The following MAP3K12 variants were observed in gnomAD, a reference collection of about 807,000 sequenced individuals.
MAP3K12 encodes the protein MAPK-upstream kinase.
A neutral mutation model predicts 87.5 loss-of-function variants in MAP3K12; 14 were observed. The ratio of observed to expected loss-of-function variants is 0.16; its 90% CI spans 0.11 to 0.25. The LOEUF is 0.25. Ranked by LOEUF, MAP3K12 falls within the 10% of genes least tolerant of loss-of-function variation. The probability of loss-of-function intolerance (pLI) is 1.00; values close to 1 mark genes in which losing one functional copy is unlikely to be tolerated. For missense variants in MAP3K12, 802 were observed against 1,140.4 expected, an observed-to-expected ratio of 0.70 and a Z score of 4.27; for synonymous variants, 469 against 452.5, an observed-to-expected ratio of 1.04 and a Z score of -0.46.
upstream of MAP3K12, chr12:53,501,145 C>G (rs981369502): frequency 7.3e-6 from 4 of 548,626 alleles, no homozygotes; most frequent in African/African-American, 5.8e-5. Context: ...TCTCGAGAAG[C>G]GACGGCGGAG....
At chr12:53,484,189 C>G in intron 7 of MAP3K12, 68 bp downstream of exon 7, 1 of 1,469,504 alleles carries the variant, frequency 6.8e-7, no homozygotes, top group East Asian at 2.3e-5. Flanking sequence ...TTCCCAGCCT[C>G]CCCCTCAAAT....
Position 53,486,504 on chromosome 12 carries a change from T to C in MAP3K12, c.564A>G (p.Arg188=), listed in dbSNP as rs975103340. The C allele has an allele frequency of 1.1e-5, 17 of 1,614,078 alleles. 1 individual carries two copies. Among genetic ancestry groups the C allele is most frequent in the African/African-American group, 2.7e-5 (2 of 74,938 alleles). ...GCTTGATGTCGGTTTCTTTGAGGTC[T>C]CGCACCTTCTTCACAGCCACCTCCT... ...HGEEVAVKKV[R]DLKETDIKHL... The change falls in exon 3 of 14, where the codon CGA becomes CGG. Residue 188 remains arginine (R), a synonymous_variant. Transcript: ENST00000547488. The surrounding 1 kb of genome is among the most constrained non-coding windows in gnomAD (Gnocchi z 4.9).
intron 1 of MAP3K12, among the ~76,000 whole-genome samples, chr12:53,488,859 C>T (rs930170404): frequency 5.3e-5 from 8 of 151,476 alleles, no homozygotes; most frequent in Admixed American, 6.6e-5. Context: ...GTGGGTGGAT[C>T]GCTTGAGGTC....
intron 1 of MAP3K12, among the ~76,000 whole-genome samples, chr12:53,494,484 C>G (rs1377276633): frequency 6.6e-6 from 1 of 152,150 alleles, no homozygotes; most frequent in Admixed American, 6.5e-5. Context: ...AAGTCACCCC[C>G]CATCTATCCC....
rs1943239194 is a variant in MAP3K12, at chr12:53,486,812, A to C, written c.445+135T>G. The C allele has an allele frequency of 6.6e-7, 1 of 1,503,854 alleles. No individual in the cohort carries two copies. The highest frequency in any genetic ancestry group is 1.4e-5 in the African/African-American group (1 of 71,554). 93.2% of individuals were successfully genotyped at this position (1,503,854 alleles called of 1,614,324 possible). On this transcript the variant is annotated intron_variant, in intron 2 of 13. Transcript: ENST00000547488. The surrounding 1 kb of genome is among the most constrained non-coding windows in gnomAD (Gnocchi z 4.9). Reference sequence around the variant, plus strand: ...GCCTTAAAAGAAGCTGGGAAGTTAGAGGCTGATGGATGGCTAAGGGACTAG... The same window carrying C: ...GCCTTAAAAGAAGCTGGGAAGTTAGCGGCTGATGGATGGCTAAGGGACTAG...
intron 13 of MAP3K12, chr12:53,481,645 G>T: frequency 2.7e-6 from 1 of 376,740 alleles, no homozygotes; most frequent in Non-Finnish European, 4.9e-6. Context: ...ACCATGCCCA[G>T]CCAGCTTACT....
intron 13 of MAP3K12, 134 bp downstream of exon 13, chr12:53,481,806 TC>T (rs1943059462): frequency 9.1e-7 from 1 of 1,100,904 alleles, no homozygotes; most frequent in Non-Finnish European, 1.3e-6. Context: ...CTTCTGAAAT[TC>T]CACCACGTGG....
At chr12:53,492,712 G>T (rs1943445746) in intron 1 of MAP3K12, among the ~76,000 whole-genome samples, 2 of 152,096 alleles carry the variant, frequency 1.3e-5, no homozygotes, top group Admixed American at 1.3e-4. Context: ...GGAGAATTTC[G>T]TCTGGAGGAC....
chr12:53,501,052 A>G (rs1943677767), upstream of MAP3K12: 1 of 300,702 alleles, frequency 3.3e-6, no homozygotes, highest in Admixed American at 4.8e-5. Flanking sequence ...GCTAGTACGC[A>G]TGTCCACAGC....
intron 1 of MAP3K12, 150 bp from the exon 2 acceptor site, chr12:53,487,578 A>G: frequency 1.4e-6 from 1 of 704,450 alleles, no homozygotes; most frequent in East Asian, 2.8e-5. Context: ...ATGGCCCTCC[A>G]AATTGCACCT....
intron 1 of MAP3K12, among the ~76,000 whole-genome samples, chr12:53,494,180 C>T (rs779707075): frequency 3.9e-5 from 6 of 152,190 alleles, no homozygotes; most frequent in African/African-American, 9.7e-5. Context: ...CTGGCCCAGA[C>T]GTTCAGTCAC....
At chr12:53,481,825 C>T in intron 13 of MAP3K12, 116 bp downstream of exon 13, 3 of 1,294,608 alleles carry the variant, frequency 2.3e-6, no homozygotes, top group Non-Finnish European at 3.2e-6. Context: ...TGGATATTTG[C>T]TCTTTATGGT....
At position 53,479,697 on chromosome 12, in the gene MAP3K12, TTC is replaced by T. The variant is rs765863610; in HGVS notation, c.*1483_*1484del. ...TTTTTTTTTTTTGGCTCATGAATTT[TTC>T]TGTTTGTCATGGAAATGTAAGAGTG... On this transcript the variant is annotated 3_prime_UTR_variant, in exon 14 of 14. Coordinates refer to ENST00000547488, the MANE Select transcript of MAP3K12 (RefSeq NM_001193511.2). 5.2e-5 allele frequency: 20 copies of T among 386,650 alleles called. No homozygotes were observed. Among genetic ancestry groups the T allele is most frequent in the Non-Finnish European group, 9.3e-5 (20 of 215,798 alleles). 24.0% of individuals were successfully genotyped at this position (386,650 alleles called of 1,614,324 possible).
At chr12:53,481,736 A>G in intron 13 of MAP3K12, 1 of 580,672 alleles carries the variant, frequency 1.7e-6, no homozygotes, top group Non-Finnish European at 3.0e-6. Context: ...CCCTGGCTGC[A>G]ATTTATAGCT....
Position 53,482,999 on chromosome 12 carries a change from G to A in MAP3K12, c.1804C>T (p.His602Tyr). The A allele has an allele frequency of 6.4e-7, 1 of 1,572,264 alleles. No homozygotes were observed. ...GGGCTTCCTGGTCCTCCAGGTTCAT[G>A]GGGTGGCACAGCTGTACGAAGCCCA... ...LPGLRTAVPP[H>Y]EPGGPGSPGG... is the part of the protein sequence containing the mutation. The change falls in exon 11 of 14, where the codon CAT becomes TAT. Residue 602 changes from histidine (H) to tyrosine (Y), a missense_variant. His to Tyr is a moderately conservative substitution (Grantham distance 83, BLOSUM62 2). Coordinates refer to ENST00000547488, the MANE Select transcript of MAP3K12 (RefSeq NM_001193511.2).
Position 53,486,807 on chromosome 12 carries a change from G to T in MAP3K12, c.445+140C>A. 1 of 1,498,238 alleles carries T rather than the reference G, an allele frequency of 6.7e-7. No individual in the cohort carries two copies. The highest frequency in any genetic ancestry group is 8.9e-7 in the Non-Finnish European group (1 of 1,128,164). The allele number at this position is 1,498,238 out of a possible 1,614,324, so 92.8% of individuals were successfully genotyped here. A position where few individuals can be genotyped will look rare whatever the true frequency, so the allele number is the denominator to read the frequency against. On this transcript the variant is annotated intron_variant, in intron 2 of 13. Coordinates refer to ENST00000547488, the MANE Select transcript of MAP3K12 (RefSeq NM_001193511.2). The surrounding 1 kb of genome is among the most constrained non-coding windows in gnomAD (Gnocchi z 4.9). The stretch of plus-strand genomic sequence containing the variant: ...GGGTGGCCTTAAAAGAAGCTGGGAA[G>T]TTAGAGGCTGATGGATGGCTAAGGG...
rs1026631464 is a variant in MAP3K12 at position 53,480,224 on chromosome 12, T to G, written c.*958A>C. 34 of 152,338 alleles carry G rather than the reference T, an allele frequency of 2.2e-4. No homozygotes were observed. The highest frequency in any genetic ancestry group is 7.5e-4 in the African/African-American group (31 of 41,580). The allele number at this position is 152,338 out of a possible 1,614,324, so 9.4% of individuals were successfully genotyped here. On this transcript the variant is annotated 3_prime_UTR_variant, in exon 14 of 14. Transcript: ENST00000547488. ...GTTGGTCCCCTTGTTCAGGCTTGCATATTTTAAACTAAAAATTTCAGTCTA... is the reference window on the plus strand; with the variant it reads ...GTTGGTCCCCTTGTTCAGGCTTGCAGATTTTAAACTAAAAATTTCAGTCTA...
intron 1 of MAP3K12, among the ~76,000 whole-genome samples, chr12:53,489,383 G>A (rs930789515): frequency 1.3e-5 from 2 of 152,192 alleles, no homozygotes; most frequent in Admixed American, 1.3e-4. Context: ...ATGGCTATGT[G>A]ACCTCAGGCG....
At position 53,479,701 on chromosome 12, in the gene MAP3K12, G is replaced by C. The variant is rs1284069697; in HGVS notation, c.*1481C>G. 6.7e-6 allele frequency: 1 copy of C among 150,046 alleles called. No homozygotes were observed. Among genetic ancestry groups the C allele is most frequent in the Admixed American group, 1.3e-4 (1 of 7,546 alleles). The allele number at this position is 150,046 out of a possible 1,614,324, so 9.3% of individuals were successfully genotyped here. A position where few individuals can be genotyped will look rare whatever the true frequency, so the allele number is the denominator to read the frequency against. ...TTTTTTTTGGCTCATGAATTTTTCT[G>C]TTTGTCATGGAAATGTAAGAGTGGA... On this transcript the variant is annotated 3_prime_UTR_variant, in exon 14 of 14. Coordinates refer to ENST00000547488, the MANE Select transcript of MAP3K12 (RefSeq NM_001193511.2).
Sources: allele counts gnomAD v4.1 joint callset (sites outside exome capture counted in the v4.1 genomes callset), GRCh38; gene constraint gnomAD v4.1.1; non-coding constraint Gnocchi (gnomAD v3.1); transcripts MANE v1.5; gene names NCBI Gene and HGNC (gene_info 2026-07-23, HGNC 2026-07-21).